Variants in FGF12 observed in about 807,000 individuals in gnomAD.
The protein encoded by FGF12 is fibroblast growth factor 12.
Under a neutral mutation model 23.6 loss-of-function variants are expected in FGF12, and 14 were observed. That is an observed-to-expected ratio of 0.59 (90% CI 0.39 to 0.93). FGF12 has a LOEUF of 0.93. Among genes scored for constraint, FGF12 ranks in the 40% least tolerant of loss-of-function variants. The pLI, the probability that FGF12 is intolerant of heterozygous loss-of-function variation, is 0.00. For synonymous variants in FGF12, 62 were observed against 77.3 expected (o/e 0.80, Z 1.04); for missense variants, 175 against 217.8 (o/e 0.80, Z 1.24).
chr3:192,184,990 T>C (rs899365343), intron 4 of FGF12, among the ~76,000 whole-genome samples: 1 of 152,234 alleles, frequency 6.6e-6, no homozygotes, highest in Non-Finnish European at 1.5e-5. Context: ...TTACAATTTA[T>C]AGTTATTTCA....
rs947772242 is a variant in FGF12 at position 192,514,325 on chromosome 3, G to T, written c.14-153787C>A. Among the ~76,000 whole-genome samples the T allele has an allele frequency of 1.3e-5, 2 of 152,240 alleles. No individual in the cohort carries two copies. Among genetic ancestry groups the T allele is most frequent in the African/African-American group, 4.8e-5 (2 of 41,470 alleles). ...CGGAGACACTGAACAACTCCAAGTCGCGCGCCGCCCTCGCAAATCGCAGAG... is the reference window on the plus strand; with the variant it reads ...CGGAGACACTGAACAACTCCAAGTCTCGCGCCGCCCTCGCAAATCGCAGAG... On this transcript the variant is annotated intron_variant, in intron 2 of 5. Coordinates refer to ENST00000445105, the MANE Select transcript of FGF12 (RefSeq NM_004113.6). The surrounding 1 kb of genome is among the most constrained non-coding windows in gnomAD (Gnocchi z 4.9).
chr3:192,324,673 C>G (rs193101330), intron 4 of FGF12, among the ~76,000 whole-genome samples: 1 of 152,252 alleles, frequency 6.6e-6, no homozygotes, highest in Admixed American at 6.5e-5. Flanking sequence ...ATTTCTAAAG[C>G]TTACATTTTA....
intron 4 of FGF12, among the ~76,000 whole-genome samples, chr3:192,266,605 G>A (rs1363303113): frequency 6.6e-6 from 1 of 151,990 alleles, no homozygotes; most frequent in Non-Finnish European, 1.5e-5. Context: ...CATAGCAATA[G>A]CAACTGCCAG....
intron 2 of FGF12, among the ~76,000 whole-genome samples, chr3:192,721,332 A>G (rs1001456374): frequency 2.0e-5 from 3 of 152,184 alleles, no homozygotes; most frequent in East Asian, 1.9e-4. Context: ...GGATGGGTAT[A>G]AGAATTTTTA....
At chr3:192,256,039 G>A (rs1466187697) in intron 4 of FGF12, among the ~76,000 whole-genome samples, 1 of 152,044 alleles carries the variant, frequency 6.6e-6, no homozygotes, top group East Asian at 1.9e-4. Context: ...TGCTATTCCA[G>A]AAGATGAATT....
At chr3:192,701,823 A>G (rs1474081981) in intron 2 of FGF12, among the ~76,000 whole-genome samples, 3 of 152,208 alleles carry the variant, frequency 2.0e-5, no homozygotes, top group African/African-American at 7.2e-5. Flanking sequence ...AATGATTACT[A>G]CAGTCAAGCC....
chr3:192,338,237 C>G (rs1333295179), intron 3 of FGF12, among the ~76,000 whole-genome samples: 2 of 152,094 alleles, frequency 1.3e-5, no homozygotes, highest in African/African-American at 4.8e-5. Context: ...GCGCCTGCCA[C>G]CACAACCCAG....
chr3:192,409,910 C>T lies in FGF12; in HGVS notation c.14-49372G>A, dbSNP rs934440710. Among the ~76,000 whole-genome samples the T allele has an allele frequency of 6.6e-6, 1 of 152,036 alleles. No individual in the cohort carries two copies. On this transcript the variant is annotated intron_variant, in intron 2 of 5. Transcript: ENST00000445105. This position sits in a 1 kb window ranked among gnomAD's most constrained non-coding sequence, Gnocchi z 4.8. ...CGGGCTTGCGGGGCGCCCCCCGCCGCCGCGCCGCCGCCTCCCCAGGCCCGG... is the reference window on the plus strand; with the variant it reads ...CGGGCTTGCGGGGCGCCCCCCGCCGTCGCGCCGCCGCCTCCCCAGGCCCGG...
intron 2 of FGF12, among the ~76,000 whole-genome samples, chr3:192,722,969 C>T (rs750394625): frequency 3.3e-5 from 5 of 152,006 alleles, no homozygotes; most frequent in East Asian, 3.9e-4. Flanking sequence ...CTGTAAGAAA[C>T]GCAGTATGTG....
intron 2 of FGF12, among the ~76,000 whole-genome samples, chr3:192,701,246 G>GC: frequency 6.6e-6 from 1 of 152,282 alleles, no homozygotes; most frequent in Non-Finnish European, 1.5e-5. Flanking sequence ...TGGGAGCCCT[G>GC]CCCCTTTGAG....
chr3:192,158,344 TTCTTTC>T (rs1560171262), intron 5 of FGF12, among the ~76,000 whole-genome samples: 4 of 93,546 alleles, frequency 4.3e-5, no homozygotes, highest in Admixed American at 3.2e-4. Context: ...CTTTCTTTCT[TTCTTTC>T]TTTCTTTCTT....
At chr3:192,218,121 C>A (rs1278676934) in intron 4 of FGF12, among the ~76,000 whole-genome samples, 2 of 152,144 alleles carry the variant, frequency 1.3e-5, no homozygotes, top group Non-Finnish European at 2.9e-5. Flanking sequence ...GCGTCAGCCA[C>A]CACGCCTGGC....
At chr3:192,624,098 G>A (rs1021659658) in intron 2 of FGF12, among the ~76,000 whole-genome samples, 1 of 151,922 alleles carries the variant, frequency 6.6e-6, no homozygotes, top group Non-Finnish European at 1.5e-5. Context: ...TTTCTTTAGA[G>A]TTGGTAATAG....
chr3:192,685,298 G>C (rs1466124907), intron 2 of FGF12, among the ~76,000 whole-genome samples: 1 of 152,258 alleles, frequency 6.6e-6, no homozygotes, highest in East Asian at 1.9e-4. Context: ...TGATCCGCCC[G>C]CCTCGGCCTC....
intron 2 of FGF12, among the ~76,000 whole-genome samples, chr3:192,459,436 C>T (rs1025200090): frequency 2.6e-5 from 4 of 152,170 alleles, no homozygotes; most frequent in Non-Finnish European, 5.9e-5. Context: ...TTGTTTAACT[C>T]GCATTTGTTA....
At chr3:192,242,149 C>T (rs1719647069) in intron 4 of FGF12, among the ~76,000 whole-genome samples, 1 of 151,812 alleles carries the variant, frequency 6.6e-6, no homozygotes, top group Admixed American at 6.6e-5. Flanking sequence ...AAGAATATTG[C>T]AATGATTAAA....
chr3:192,272,928 C>T (rs1713539146), intron 4 of FGF12, among the ~76,000 whole-genome samples: 1 of 152,176 alleles, frequency 6.6e-6, no homozygotes, highest in South Asian at 2.1e-4. Flanking sequence ...AAAATGTCAT[C>T]TATCTCAACC....
rs1456341313 is a variant in FGF12, at chr3:192,514,075, TC to T, written c.14-153538del. 6.6e-6 allele frequency among the ~76,000 whole-genome samples: 1 copy of T among 152,160 alleles called. No individual in the cohort carries two copies. The highest frequency in any genetic ancestry group is 1.5e-5 in the Non-Finnish European group (1 of 68,022). On this transcript the variant is annotated intron_variant, in intron 2 of 5. Coordinates refer to ENST00000445105, the MANE Select transcript of FGF12 (RefSeq NM_004113.6). This position sits in a 1 kb window ranked among gnomAD's most constrained non-coding sequence, Gnocchi z 4.9. ...TCAAAGGTTCTGATTTTCTTTCTTT[TC>T]CTCCGTGTAGTCTTTCCCAGGGCAC...
At chr3:192,695,526 T>C (rs1718089485) in intron 2 of FGF12, among the ~76,000 whole-genome samples, 1 of 152,226 alleles carries the variant, frequency 6.6e-6, no homozygotes, top group Non-Finnish European at 1.5e-5. Flanking sequence ...GACCTTCATG[T>C]ATGTAGTAGG....
Sources: allele counts gnomAD v4.1 joint callset (sites outside exome capture counted in the v4.1 genomes callset), GRCh38; gene constraint gnomAD v4.1.1; non-coding constraint Gnocchi (gnomAD v3.1); transcripts MANE v1.5; gene names NCBI Gene and HGNC (gene_info 2026-07-23, HGNC 2026-07-21).